The following MOB1A variants were observed in gnomAD, a reference collection of about 807,000 sequenced individuals.
MOB1A encodes MOB1 Mps One Binder homolog A.
A neutral mutation model predicts 25.1 loss-of-function variants in MOB1A; 10 were observed. The observed-to-expected ratio is 0.40, with a 90% CI of 0.25 to 0.68. MOB1A has a LOEUF of 0.68. MOB1A is among the 30% of genes least tolerant of loss of function. The probability of loss-of-function intolerance (pLI) is 0.40; values close to 1 mark genes in which losing one functional copy is unlikely to be tolerated. For missense variants in MOB1A, 177 were observed against 256.3 expected, an observed-to-expected ratio of 0.69 and a Z score of 2.11; for synonymous variants, 81 against 79.5, an observed-to-expected ratio of 1.02 and a Z score of -0.10.
intron 2 of MOB1A, among the ~76,000 whole-genome samples, chr2:74,170,895 A>G (rs1280931671): frequency 4.7e-5 from 7 of 149,488 alleles, no homozygotes; most frequent in African/African-American, 1.5e-4. Context: ...ATCTCTGAAG[A>G]AAAAAAAAGA....
intron 3 of MOB1A, among the ~76,000 whole-genome samples, chr2:74,165,874 G>A (rs908011243): frequency 6.6e-6 from 1 of 152,106 alleles, no homozygotes; most frequent in Non-Finnish European, 1.5e-5. Context: ...TTGAGCCATA[G>A]GTAAGTTTAA....
intron 1 of MOB1A, among the ~76,000 whole-genome samples, chr2:74,177,110 C>T (rs1388810180): frequency 1.3e-5 from 2 of 151,936 alleles, no homozygotes; most frequent in African/African-American, 2.4e-5. Context: ...GTCAGGAGTT[C>T]GAGACCAGCC....
intron 1 of MOB1A, 104 bp downstream of exon 1, chr2:74,178,557 G>A: frequency 3.7e-6 from 3 of 812,640 alleles, no homozygotes; most frequent in Non-Finnish European, 5.1e-6. Flanking sequence ...CAGCTACCCC[G>A]CCCCCGCCTC....
rs1367470333 is a variant in MOB1A, at chr2:74,154,640, A to G, written c.*1928T>C. On this transcript the variant is annotated 3_prime_UTR_variant, in exon 6 of 6. Transcript: ENST00000396049. ...GAAATAATGAGGAAAGTACAAGCCT[A>G]GCTGAGAAACTAGTTTCATCACTTG... 6.6e-6 allele frequency: 1 copy of G among 152,258 alleles called. No individual in the cohort carries two copies. The highest frequency in any genetic ancestry group is 1.5e-5 in the Non-Finnish European group (1 of 68,046). 9.4% of individuals were successfully genotyped at this position (152,258 alleles called of 1,614,324 possible).
intron 3 of MOB1A, 64 bp downstream of exon 3, chr2:74,166,944 GTTTAAT>G (rs1340066170): frequency 8.8e-7 from 1 of 1,132,802 alleles, no homozygotes; most frequent in African/African-American, 1.5e-5. Context: ...AATCTTAACT[GTTTAAT>G]TTCTATCAAT....
chr2:74,168,115 G>A (rs776722729), intron 2 of MOB1A, among the ~76,000 whole-genome samples: 13 of 152,156 alleles, frequency 8.5e-5, no homozygotes, highest in Non-Finnish European at 1.3e-4. Context: ...CTCCAGCCTG[G>A]GTGACAGAGA....
chr2:74,174,413 T>C (rs1172046610), intron 1 of MOB1A, among the ~76,000 whole-genome samples: 4 of 151,694 alleles, frequency 2.6e-5, no homozygotes, highest in East Asian at 1.9e-4. Context: ...CAGGACAACA[T>C]AGTAAGGCGG....
intron 2 of MOB1A, among the ~76,000 whole-genome samples, chr2:74,170,417 G>A (rs1363235255): frequency 6.6e-6 from 1 of 151,992 alleles, no homozygotes; most frequent in South Asian, 2.1e-4. Flanking sequence ...GATTACAGGC[G>A]TGAGCCACCA....
At chr2:74,170,533 G>C (rs369027239) in intron 2 of MOB1A, among the ~76,000 whole-genome samples, 1 of 151,632 alleles carries the variant, frequency 6.6e-6, no homozygotes, top group Non-Finnish European at 1.5e-5. Flanking sequence ...TCAGGAGTTC[G>C]AGACCAGCCT....
chr2:74,173,964 A>G (rs933893264), intron 1 of MOB1A, among the ~76,000 whole-genome samples: 14 of 140,004 alleles, frequency 1.0e-4, no homozygotes, highest in African/African-American at 1.6e-4. Flanking sequence ...AAAAAAAAAA[A>G]AAAAAGAAAA....
Position 74,156,279 on chromosome 2 carries a change from G to T in MOB1A, c.*289C>A. On this transcript the variant is annotated 3_prime_UTR_variant, in exon 6 of 6. Coordinates refer to ENST00000396049, the MANE Select transcript of MOB1A (RefSeq NM_018221.5). ...GAGTAAATGAGTAAAAGAATAATAA[G>T]TAAATTTATAAGCTACAGGTTAACC... is the stretch of plus-strand genomic sequence containing the variant. The T allele has an allele frequency of 3.7e-6, 1 of 267,868 alleles. No individual in the cohort carries two copies. Among genetic ancestry groups the T allele is most frequent in the Non-Finnish European group, 7.0e-6 (1 of 142,780 alleles). 16.6% of individuals were successfully genotyped at this position (267,868 alleles called of 1,614,324 possible).
intron 5 of MOB1A, among the ~76,000 whole-genome samples, chr2:74,158,036 C>T (rs564575285): frequency 6.6e-6 from 1 of 151,698 alleles, no homozygotes; most frequent in Non-Finnish European, 1.5e-5. Context: ...AAAAATTAGC[C>T]GGGCGTGGTG....
At chr2:74,165,125 A>T in intron 4 of MOB1A, 93 bp downstream of exon 4, 2 of 1,022,480 alleles carry the variant, frequency 2.0e-6, no homozygotes, top group Non-Finnish European at 2.7e-6. Context: ...TTTGAGACCA[A>T]CCTGGACAAC....
At chr2:74,177,723 T>C (rs1693514502) in intron 1 of MOB1A, among the ~76,000 whole-genome samples, 2 of 152,092 alleles carry the variant, frequency 1.3e-5, no homozygotes, top group South Asian at 4.1e-4. Flanking sequence ...ATGTCAAGCA[T>C]GTGGATTACA....
intron 2 of MOB1A, among the ~76,000 whole-genome samples, chr2:74,171,767 GTGGCGT>G (rs1476258669): frequency 6.6e-6 from 1 of 152,098 alleles, no homozygotes; most frequent in East Asian, 1.9e-4. Context: ...GCTGGGTGTG[GTGGCGT>G]GTGCCTGTAA....
chr2:74,161,546 C>CAGGAGAAT (rs1692972804), intron 4 of MOB1A, among the ~76,000 whole-genome samples: 1 of 151,432 alleles, frequency 6.6e-6, no homozygotes, highest in Non-Finnish European at 1.5e-5. Flanking sequence ...GAGGCTGAGA[C>CAGGAGAAT]AGGAGAATGG....
chr2:74,173,114 T>C (rs780173153), intron 1 of MOB1A: 4 of 482,828 alleles, frequency 8.3e-6, no homozygotes, highest in Non-Finnish European at 1.6e-5. Context: ...CCAGCCCAGG[T>C]GACAGAGCAA....
chr2:74,168,734 A>T (rs936865043), intron 2 of MOB1A, among the ~76,000 whole-genome samples: 7 of 152,242 alleles, frequency 4.6e-5, no homozygotes, highest in South Asian at 4.1e-4. Flanking sequence ...AGATTTTTTT[A>T]AAATGCTATC....
At chr2:74,166,213 A>G (rs1408460454) in intron 3 of MOB1A, among the ~76,000 whole-genome samples, 1 of 150,686 alleles carries the variant, frequency 6.6e-6, no homozygotes, top group African/African-American at 2.5e-5. Context: ...GTATTTCTTG[A>G]AATTTATTAA....
Sources: allele counts gnomAD v4.1 joint callset (sites outside exome capture counted in the v4.1 genomes callset), GRCh38; gene constraint gnomAD v4.1.1; transcripts MANE v1.5; gene names NCBI Gene and HGNC (gene_info 2026-07-23, HGNC 2026-07-21).